The following FRA10AC1 variants were observed in gnomAD, a reference collection of about 807,000 sequenced individuals.
The protein encoded by FRA10AC1 is FRA10A associated CGG repeat 1.
A neutral mutation model predicts 56.5 loss-of-function variants in FRA10AC1; 43 were observed. The ratio of observed to expected loss-of-function variants is 0.76; its 90% CI spans 0.60 to 0.98. The LOEUF (loss-of-function observed/expected upper bound fraction) is 0.98, where lower values mean the gene tolerates loss of function less well. FRA10AC1 is among the 50% of genes least tolerant of loss of function. The pLI is 0.00. For missense variants in FRA10AC1, 346 were observed against 351.8 expected (o/e 0.98, Z 0.13); for synonymous variants, 112 against 110.5 (o/e 1.01, Z -0.09).
chr10:93,690,193 C>T (rs924500916), intron 7 of FRA10AC1, among the ~76,000 whole-genome samples: 2 of 152,050 alleles, frequency 1.3e-5, no homozygotes, highest in African/African-American at 4.8e-5. Context: ...ACTCTTTCTC[C>T]AACACCTCAA....
chr10:93,673,018 T>C (rs1487141778), intron 12 of FRA10AC1: 1 of 188,086 alleles, frequency 5.3e-6, no homozygotes, highest in African/African-American at 2.4e-5. Flanking sequence ...ACTTTCTGAG[T>C]TGAAAGGGGA....
At chr10:93,682,393 G>C (rs2058950265) in intron 10 of FRA10AC1, among the ~76,000 whole-genome samples, 1 of 152,148 alleles carries the variant, frequency 6.6e-6, no homozygotes, top group African/African-American at 2.4e-5. Flanking sequence ...TATTTTGTAA[G>C]AATCATTTCC....
chr10:93,672,788 T>G (rs2058783090), intron 12 of FRA10AC1: 1 of 152,552 alleles, frequency 6.6e-6, no homozygotes, highest in Non-Finnish European at 1.5e-5. Context: ...TAAATGACCT[T>G]TAAGGTCCCT....
chr10:93,681,922 CA>C (rs200530414), intron 10 of FRA10AC1, among the ~76,000 whole-genome samples: 5 of 151,236 alleles, frequency 3.3e-5, no homozygotes, highest in Admixed American at 6.6e-5. Context: ...AACTAAATTA[CA>C]AAAAAAAGCC....
At chr10:93,678,568 T>C (rs1456370275) in intron 11 of FRA10AC1, among the ~76,000 whole-genome samples, 1 of 152,148 alleles carries the variant, frequency 6.6e-6, no homozygotes, top group Non-Finnish European at 1.5e-5. Context: ...TGATGACTCA[T>C]GCTGGTAATC....
At chr10:93,677,938 C>G (rs943753580) in intron 11 of FRA10AC1, among the ~76,000 whole-genome samples, 3 of 152,210 alleles carry the variant, frequency 2.0e-5, no homozygotes, top group Non-Finnish European at 2.9e-5. Flanking sequence ...TTCACTGATT[C>G]ACTCACCTAC....
At chr10:93,698,644 C>T (rs917945288) in intron 2 of FRA10AC1, among the ~76,000 whole-genome samples, 4 of 152,298 alleles carry the variant, frequency 2.6e-5, no homozygotes, top group Middle Eastern at 3.4e-3. Context: ...TATCACCTAG[C>T]TTCCTGATTC....
intron 4 of FRA10AC1, among the ~76,000 whole-genome samples, chr10:93,695,434 T>C (rs2059215720): frequency 6.6e-6 from 1 of 151,844 alleles, no homozygotes; most frequent in Non-Finnish European, 1.5e-5. Context: ...AACATTAAAC[T>C]TTCAAAAAAG....
chr10:93,694,411 T>C (rs2059192990), intron 5 of FRA10AC1, among the ~76,000 whole-genome samples: 2 of 151,964 alleles, frequency 1.3e-5, no homozygotes, highest in Non-Finnish European at 2.9e-5. Flanking sequence ...TATCTCTACC[T>C]TATAATATAA....
At chr10:93,693,596 A>G (rs2059173143) in intron 5 of FRA10AC1, among the ~76,000 whole-genome samples, 1 of 143,864 alleles carries the variant, frequency 7.0e-6, no homozygotes, top group Non-Finnish European at 1.5e-5. Context: ...ATATATACAC[A>G]CCATATATAT....
chr10:93,691,901 G>A, intron 7 of FRA10AC1, 108 bp downstream of exon 7: 1 of 1,207,036 alleles, frequency 8.3e-7, no homozygotes, highest in Non-Finnish European at 1.1e-6. Flanking sequence ...GGACAACTGA[G>A]TCTAGAATTA....
chr10:93,690,403 C>A (rs1410474268), intron 7 of FRA10AC1, among the ~76,000 whole-genome samples: 1 of 152,050 alleles, frequency 6.6e-6, no homozygotes, highest in African/African-American at 2.4e-5. Context: ...CTTTAAAGTA[C>A]GATTTCTAGT....
At position 93,692,743 on chromosome 10, in the gene FRA10AC1, CT is replaced by C; in HGVS notation, c.297-15del. 2 of 1,550,304 alleles carry C rather than the reference CT, an allele frequency of 1.3e-6. No individual in the cohort carries two copies. Among genetic ancestry groups the C allele is most frequent in the Non-Finnish European group, 1.7e-6 (2 of 1,147,760 alleles). On this transcript the variant is annotated splice_polypyrimidine_tract_variant and intron_variant, in intron 5 of 13. Transcript: ENST00000359204. ...TTGTCATTTTCCCTGGAAAACAGAACTTTTTCAATTTAATACAAAAACAAAA... is the reference window on the plus strand; with the variant it reads ...TTGTCATTTTCCCTGGAAAACAGAACTTTTCAATTTAATACAAAAACAAAA...
Position 93,694,930 on chromosome 10 carries a change from C to T in FRA10AC1, c.227G>A (p.Arg76Lys). Residue 76 changes from arginine (R) to lysine (K), a missense_variant, in exon 5 of 14, where the codon AGA becomes AAA. Transcript: ENST00000359204. ...FHLIAMDAYQ[R>K]HTKFVNDYIL... is the part of the protein sequence containing the mutation. Reference sequence around the variant, plus strand: ...ATAGTCATTTACGAACTTTGTATGTCTTTGATACTGAAATGCAAAAAATTA... The same window carrying T: ...ATAGTCATTTACGAACTTTGTATGTTTTTGATACTGAAATGCAAAAAATTA... 6.8e-7 allele frequency: 1 copy of T among 1,476,076 alleles called. No individual in the cohort carries two copies. Among genetic ancestry groups the T allele is most frequent in the South Asian group, 1.1e-5 (1 of 87,872 alleles). The allele number at this position is 1,476,076 out of a possible 1,614,324, so 91.4% of individuals were successfully genotyped here. A position where few individuals can be genotyped will look rare whatever the true frequency, so the allele number is the denominator to read the frequency against.
chr10:93,691,103 C>T (rs2059117527), intron 7 of FRA10AC1, among the ~76,000 whole-genome samples: 1 of 151,984 alleles, frequency 6.6e-6, no homozygotes, highest in Non-Finnish European at 1.5e-5. Context: ...TGCAACATTC[C>T]CTCCTCTCAC....
intron 5 of FRA10AC1, among the ~76,000 whole-genome samples, chr10:93,693,850 C>A (rs992065879): frequency 6.6e-6 from 1 of 151,488 alleles, no homozygotes; most frequent in Non-Finnish European, 1.5e-5. Context: ...CATATGTTCT[C>A]ATTTATATGT....
At chr10:93,697,385 C>T (rs2059250768) in intron 4 of FRA10AC1, among the ~76,000 whole-genome samples, 1 of 152,166 alleles carries the variant, frequency 6.6e-6, no homozygotes, top group South Asian at 2.1e-4. Flanking sequence ...ATTGGAATAG[C>T]ACAGTGAAAC....
intron 7 of FRA10AC1, among the ~76,000 whole-genome samples, chr10:93,689,988 T>C (rs981273389): frequency 7.2e-5 from 11 of 152,198 alleles, no homozygotes; most frequent in African/African-American, 1.7e-4. Flanking sequence ...AACTGATACA[T>C]TGATCCAACT....
At chr10:93,695,662 A>C (rs1361414256) in intron 4 of FRA10AC1, among the ~76,000 whole-genome samples, 4 of 152,116 alleles carry the variant, frequency 2.6e-5, no homozygotes, top group Non-Finnish European at 5.9e-5. Flanking sequence ...AACTGATCAT[A>C]ATGTGTACTA....
Sources: allele counts gnomAD v4.1 joint callset (sites outside exome capture counted in the v4.1 genomes callset), GRCh38; gene constraint gnomAD v4.1.1; transcripts MANE v1.5; gene names NCBI Gene and HGNC (gene_info 2026-07-23, HGNC 2026-07-21).